Variants in TBC1D5 observed in about 807,000 individuals in gnomAD.
TBC1D5 encodes the protein TBC1 domain family, member 5.
In TBC1D5, 75 loss-of-function variants were observed where a neutral mutation model predicts 100.3. That is an observed-to-expected ratio of 0.75 (90% CI 0.62 to 0.91). The LOEUF (loss-of-function observed/expected upper bound fraction) is 0.91, where lower values mean the gene tolerates loss of function less well. Among genes scored for constraint, TBC1D5 ranks in the 40% least tolerant of loss-of-function variants. The pLI, the probability that TBC1D5 is intolerant of heterozygous loss-of-function variation, is 0.00. For missense variants in TBC1D5, 910 were observed against 942.4 expected, an observed-to-expected ratio of 0.97 and a Z score of 0.45; for synonymous variants, 323 against 325.6, an observed-to-expected ratio of 0.99 and a Z score of 0.09.
chr3:17,434,633 G>GC (rs1438422019), intron 3 of TBC1D5, among the ~76,000 whole-genome samples: 1 of 152,124 alleles, frequency 6.6e-6, no homozygotes, highest in Non-Finnish European at 1.5e-5. Context: ...GAACAGGGGG[G>GC]CCCTGGGCCC....
chr3:17,707,448 A>C (rs2074289201), intron 1 of TBC1D5, among the ~76,000 whole-genome samples: 1 of 152,130 alleles, frequency 6.6e-6, no homozygotes, highest in South Asian at 2.1e-4. Context: ...TAGATCCCTA[A>C]ATTTAATTTC....
intron 17 of TBC1D5, among the ~76,000 whole-genome samples, chr3:17,224,773 T>C (rs1275462422): frequency 6.6e-6 from 1 of 152,228 alleles, no homozygotes; most frequent in Non-Finnish European, 1.5e-5. Flanking sequence ...AAGCATTTGT[T>C]CCCTTGAGGG....
At chr3:17,490,234 T>C (rs112731490) in intron 3 of TBC1D5, among the ~76,000 whole-genome samples, 9,234 of 152,252 alleles carry the variant, frequency 0.061, 542 homozygotes, top group African/African-American at 0.15. Flanking sequence ...TTATAGACTC[T>C]AGATTTTAGA....
At position 17,159,397 on chromosome 3, in the gene TBC1D5, T is replaced by C. The variant is rs557872844; in HGVS notation, c.*1566A>G. 4 of 152,324 alleles carry C rather than the reference T, an allele frequency of 2.6e-5. No individual in the cohort carries two copies. In the East Asian group the frequency reaches 7.7e-4, roughly 29 times the overall value. The allele number at this position is 152,324 out of a possible 1,614,324, so 9.4% of individuals were successfully genotyped here. ...GTGGGAGGGACGTAAACAGTGTCTG[T>C]TCCTCTATACTGAGCTTTCATTTGT... On this transcript the variant is annotated 3_prime_UTR_variant, in exon 22 of 22. Coordinates refer to ENST00000253692, the Ensembl canonical transcript of TBC1D5.
At chr3:17,212,002 C>T (rs1008945633) in intron 18 of TBC1D5, among the ~76,000 whole-genome samples, 1 of 152,084 alleles carries the variant, frequency 6.6e-6, no homozygotes, top group African/African-American at 2.4e-5. Flanking sequence ...AGTGTCTTGC[C>T]CCAAGACATA....
At chr3:17,381,050 A>G (rs919266842) in intron 9 of TBC1D5, among the ~76,000 whole-genome samples, 1 of 152,122 alleles carries the variant, frequency 6.6e-6, no homozygotes, top group African/African-American at 2.4e-5. Flanking sequence ...TAAAAAATCT[A>G]TAGGATTTTA....
chr3:17,607,809 T>C (rs772546702), intron 2 of TBC1D5, among the ~76,000 whole-genome samples: 5 of 152,182 alleles, frequency 3.3e-5, no homozygotes, highest in Non-Finnish European at 7.4e-5. Flanking sequence ...TTTTCTGTTA[T>C]TAAAACACTG....
chr3:17,253,791 T>C (rs2077376331), intron 16 of TBC1D5, among the ~76,000 whole-genome samples: 1 of 152,244 alleles, frequency 6.6e-6, no homozygotes, highest in African/African-American at 2.4e-5. Flanking sequence ...ATGAGATGCA[T>C]GTATGTTATT....
At chr3:17,666,132 A>C (rs2067232143) in intron 1 of TBC1D5, among the ~76,000 whole-genome samples, 1 of 152,204 alleles carries the variant, frequency 6.6e-6, no homozygotes, top group African/African-American at 2.4e-5. Context: ...GGAAGGCAAT[A>C]ATTCTATTTT....
At chr3:17,500,127 G>A (rs1449636643) in intron 3 of TBC1D5, among the ~76,000 whole-genome samples, 1 of 149,306 alleles carries the variant, frequency 6.7e-6, no homozygotes, top group East Asian at 1.9e-4. Context: ...TTCAATGACT[G>A]TTCACATAAA....
intron 1 of TBC1D5, among the ~76,000 whole-genome samples, chr3:17,677,491 A>G (rs1321700313): frequency 1.3e-5 from 2 of 152,232 alleles, no homozygotes; most frequent in East Asian, 3.8e-4. Flanking sequence ...TTAAAAAGTC[A>G]GGAAACAGGT....
chr3:17,594,166 A>G (rs1445873072), intron 2 of TBC1D5, among the ~76,000 whole-genome samples: 5 of 152,354 alleles, frequency 3.3e-5, no homozygotes, highest in African/African-American at 1.2e-4. Flanking sequence ...TTAAGCCAAC[A>G]GGCTAAGAAA....
chr3:17,216,033 A>C (rs1406916103), intron 17 of TBC1D5, among the ~76,000 whole-genome samples: 1 of 152,136 alleles, frequency 6.6e-6, no homozygotes, highest in Non-Finnish European at 1.5e-5. Flanking sequence ...ATGATAAACC[A>C]AGAATGCTAA....
chr3:17,324,514 G>A (rs896283252), intron 13 of TBC1D5, among the ~76,000 whole-genome samples: 1 of 151,936 alleles, frequency 6.6e-6, no homozygotes, highest in African/African-American at 2.4e-5. Context: ...TGTAGTGGTG[G>A]GCATCTGTAA....
At chr3:17,285,512 G>C (rs1192609304) in intron 15 of TBC1D5, among the ~76,000 whole-genome samples, 1 of 151,742 alleles carries the variant, frequency 6.6e-6, no homozygotes, top group African/African-American at 2.4e-5. Flanking sequence ...CGCCCGCCTC[G>C]GCCTCCCAAA....
At chr3:17,197,330 T>G (rs544923996) in intron 18 of TBC1D5, among the ~76,000 whole-genome samples, 1 of 152,174 alleles carries the variant, frequency 6.6e-6, no homozygotes, top group Non-Finnish European at 1.5e-5. Flanking sequence ...TTTTTAGTGT[T>G]GTACCTCGAT....
chr3:17,642,690 G>GTGCTGAGTCTA (rs2064638004), intron 1 of TBC1D5, among the ~76,000 whole-genome samples: 1 of 152,146 alleles, frequency 6.6e-6, no homozygotes, highest in South Asian at 2.1e-4. Flanking sequence ...TCAGCAACAA[G>GTGCTGAGTCTA]TGCTGAGTCT....
chr3:17,598,661 G>C (rs997189867), intron 2 of TBC1D5, among the ~76,000 whole-genome samples: 1 of 152,154 alleles, frequency 6.6e-6, no homozygotes, highest in Admixed American at 6.5e-5. Context: ...CCAATGAAAA[G>C]TAGTCACTGT....
intron 3 of TBC1D5, among the ~76,000 whole-genome samples, chr3:17,430,999 T>C (rs996197936): frequency 5.3e-5 from 8 of 151,982 alleles, no homozygotes; most frequent in African/African-American, 1.9e-4. Context: ...GAAAACAACT[T>C]CCGCCAGTTT....
Sources: gnomAD v4.1 joint callset for allele counts (sites outside exome capture counted in the v4.1 genomes callset) on GRCh38, gnomAD v4.1.1 for gene constraint, MANE v1.5 for transcripts, NCBI Gene and HGNC (gene_info 2026-07-23, HGNC 2026-07-21) for gene names.